EIF2D: variants seen among roughly 807,000 people sequenced by gnomAD.
EIF2D encodes the protein hepatocellular carcinoma-associated antigen 56.
In EIF2D, 56 loss-of-function variants were observed where a neutral mutation model predicts 77.4. That is an observed-to-expected ratio of 0.72 (90% confidence interval 0.58 to 0.90). The LOEUF is 0.90. Among genes scored for constraint, EIF2D ranks in the 40% least tolerant of loss-of-function variants. EIF2D has a pLI of 0.00. For missense variants in EIF2D, 574 were observed against 706.5 expected, an observed-to-expected ratio of 0.81 and a Z score of 2.13; for synonymous variants, 230 against 271.0, an observed-to-expected ratio of 0.85 and a Z score of 1.49.
At chr1:206,596,324 AC>A (rs1669646113) in intron 12 of EIF2D, among the ~76,000 whole-genome samples, 2 of 152,238 alleles carry the variant, frequency 1.3e-5, no homozygotes, top group South Asian at 4.1e-4. Context: ...AGGATCAACA[AC>A]TTTTTCTATA....
intron 3 of EIF2D, among the ~76,000 whole-genome samples, chr1:206,609,068 A>T (rs1306496935): frequency 1.3e-5 from 2 of 152,162 alleles, no homozygotes; most frequent in Non-Finnish European, 2.9e-5. Context: ...AAAAAAATAA[A>T]AAAAGTTTGA....
chr1:206,580,233 T>C (rs1184709243), intron 4 of EIF2D, among the ~76,000 whole-genome samples: 1 of 152,212 alleles, frequency 6.6e-6, no homozygotes, highest in Non-Finnish European at 1.5e-5. Flanking sequence ...CTTCTCACTG[T>C]ATTCAAAATC....
At chr1:206,569,248 A>C (rs1668372761), downstream of EIF2D, among the ~76,000 whole-genome samples, 1 of 152,230 alleles carries the variant, frequency 6.6e-6, no homozygotes, top group African/African-American at 2.4e-5. Context: ...GCCCATACAC[A>C]TCCTAAGGTT....
At chr1:206,569,410 A>G (rs529976934), downstream of EIF2D, among the ~76,000 whole-genome samples, 75 of 152,292 alleles carry the variant, frequency 4.9e-4, no homozygotes, top group African/African-American at 1.5e-3. Context: ...ACAGGTAGCA[A>G]CCCTCAGAGA....
chr1:206,585,309 C>T (rs781955638), intron 2 of EIF2D: 1 of 1,604,626 alleles, frequency 6.2e-7, no homozygotes, highest in South Asian at 1.1e-5. Flanking sequence ...GGTCTGGACC[C>T]ATTGTGCAAA....
downstream of EIF2D, among the ~76,000 whole-genome samples, chr1:206,589,741 TTGAG>T (rs1669281981): frequency 6.6e-6 from 1 of 152,242 alleles, no homozygotes; most frequent in South Asian, 2.1e-4. Context: ...GTCCTTTCAC[TTGAG>T]TTCTCTGACT....
chr1:206,580,588 G>A (rs1668833180), intron 4 of EIF2D: 1 of 152,238 alleles, frequency 6.6e-6, no homozygotes, highest in African/African-American at 2.4e-5. Flanking sequence ...GCTACCCAAG[G>A]GAAGGGATGA....
At chr1:206,596,109 C>T (rs1553409989) in intron 12 of EIF2D, among the ~76,000 whole-genome samples, 2 of 152,164 alleles carry the variant, frequency 1.3e-5, no homozygotes, top group African/African-American at 2.4e-5. Flanking sequence ...GACTTAGGCC[C>T]CTGGAAACGG....
chr1:206,607,429 CAG>C, intron 4 of EIF2D, among the ~76,000 whole-genome samples: 1 of 152,212 alleles, frequency 6.6e-6, no homozygotes, highest in East Asian at 1.9e-4. Flanking sequence ...TTTAATTTTT[CAG>C]AGCTGTTCAT....
rs1440436269 is a variant in EIF2D at position 206,576,991 on chromosome 1, TG to T, written c.*254+3700del. Among the ~76,000 whole-genome samples, 7 of 150,980 alleles carry T rather than the reference TG, an allele frequency of 4.6e-5. No homozygotes were observed. In the East Asian group the frequency reaches 1.4e-3, roughly 29 times the overall value. On this transcript the variant is annotated intron_variant and NMD_transcript_variant, in intron 4 of 5. Transcript: ENST00000472709. ...GCTAATTTTTGTATTTTTTTTTTTT[TG>T]TAGAGACAGGGTCTCACTATGTTGC...
intron 4 of EIF2D, among the ~76,000 whole-genome samples, chr1:206,576,333 G>A (rs1438232186): frequency 6.6e-6 from 1 of 152,200 alleles, no homozygotes; most frequent in Non-Finnish European, 1.5e-5. Flanking sequence ...TGGGGCTGGT[G>A]TTTGGGAGCG....
rs201417666 is a variant in EIF2D, at chr1:206,584,521, C to G, written c.139-3359G>C. ...AGGTGAACCTGGCGGCTACCACGGA[C>G]AAGCGGACATCCTTCTACCTGCCCC... On this transcript the variant is annotated intron_variant and NMD_transcript_variant, in intron 2 of 5. Coordinates refer to the EIF2D transcript ENST00000472709. The surrounding 1 kb of genome is among the most constrained non-coding windows in gnomAD (Gnocchi z 4.9). 5 of 1,614,060 alleles carry G rather than the reference C, an allele frequency of 3.1e-6. No homozygotes were observed. In the Admixed American group the frequency reaches 8.3e-5, roughly 27 times the overall value.
At chr1:206,581,637 G>A (rs1199830371) in intron 2 of EIF2D, among the ~76,000 whole-genome samples, 13 of 150,824 alleles carry the variant, frequency 8.6e-5, no homozygotes, top group African/African-American at 3.2e-4. Flanking sequence ...AGAGAGGGGG[G>A]AGAGAGAGAG....
Position 206,600,277 on chromosome 1 carries a change from A to T in EIF2D, c.934T>A (p.Ser312Thr). ...PEGRQLDIKK[S>T]SYKKLSKFLQ... ...TCCTTGCTTACCTTTTTGTAGCTTG[A>T]CTTCTTTATGTCCAGTTGTCGTCCT... is the stretch of plus-strand genomic sequence containing the variant. The change falls in exon 8 of 15, where the codon TCA (serine) becomes ACA (threonine). Residue 312 changes from serine (S) to threonine (T), a missense_variant. Transcript: ENST00000271764. 1 of 1,613,918 alleles carries T rather than the reference A, an allele frequency of 6.2e-7. No individual in the cohort carries two copies.
chr1:206,607,365 T>C (rs1670250186), intron 4 of EIF2D, among the ~76,000 whole-genome samples: 1 of 152,172 alleles, frequency 6.6e-6, no homozygotes, highest in Non-Finnish European at 1.5e-5. Context: ...AGGACACACA[T>C]CAAAATGATA....
chr1:206,608,387 TTCA>T, intron 3 of EIF2D, 61 bp from the exon 4 acceptor site: 3 of 1,362,662 alleles, frequency 2.2e-6, no homozygotes, highest in East Asian at 2.5e-5. Flanking sequence ...TGCGTTTTAC[TTCA>T]TCATTTCCTC....
At chr1:206,574,695 A>AG (rs1316872514) in intron 4 of EIF2D, among the ~76,000 whole-genome samples, 1 of 152,102 alleles carries the variant, frequency 6.6e-6, no homozygotes, top group Admixed American at 6.5e-5. Context: ...AGTGCCATAG[A>AG]GGGACCTGTG....
chr1:206,600,354 C>G (rs537218883), intron 7 of EIF2D, 46 bp from the exon 8 acceptor site: 1 of 1,576,828 alleles, frequency 6.3e-7, no homozygotes. Flanking sequence ...AGCAGTCATA[C>G]TGGGACCTGC....
In EIF2D at chr1:206,599,152, G is replaced by A; in HGVS notation, c.1203-60C>T. 1 of 1,519,410 alleles carries A rather than the reference G, an allele frequency of 6.6e-7. No individual in the cohort carries two copies. The highest frequency in any genetic ancestry group is 1.1e-5 in the South Asian group (1 of 88,246). 94.1% of individuals were successfully genotyped at this position (1,519,410 alleles called of 1,614,324 possible). A position where few individuals can be genotyped will look rare whatever the true frequency, so the allele number is the denominator to read the frequency against. Reference sequence around the variant, plus strand: ...TGCTGTGCCATGAGACAAAAATGCAGATGCCCAGACTCACTCCCTGCTGAG... The same window carrying A: ...TGCTGTGCCATGAGACAAAAATGCAAATGCCCAGACTCACTCCCTGCTGAG... On this transcript the variant is annotated intron_variant, in intron 10 of 14. Coordinates refer to ENST00000271764, the MANE Select transcript of EIF2D (RefSeq NM_006893.3). This position sits in a 1 kb window ranked among gnomAD's most constrained non-coding sequence, Gnocchi z 4.1.
Sources: gnomAD v4.1 joint callset for allele counts (sites outside exome capture counted in the v4.1 genomes callset) on GRCh38, gnomAD v4.1.1 for gene constraint, Gnocchi (gnomAD v3.1) non-coding constraint, MANE v1.5 for transcripts, NCBI Gene and HGNC (gene_info 2026-07-23, HGNC 2026-07-21) for gene names.